The following DCLK1 variants were observed in gnomAD, a reference collection of about 807,000 sequenced individuals.
The protein encoded by DCLK1 is doublecortin like kinase 1, also known as serine/threonine-protein kinase DCLK1.
DCLK1 carries 16 observed loss-of-function variants against 86.2 expected under a neutral mutation model. The ratio of observed to expected loss-of-function variants is 0.19; its 90% CI spans 0.13 to 0.28. The LOEUF is 0.28. DCLK1 is among the 10% of genes least tolerant of loss of function. The pLI is 1.00. For missense variants in DCLK1, 590 were observed against 940.2 expected (o/e 0.63, Z 4.87); for synonymous variants, 369 against 370.5 (o/e 1.00, Z 0.05).
chr13:35,955,677 T>C (rs1156561269), intron 3 of DCLK1, among the ~76,000 whole-genome samples: 2 of 152,144 alleles, frequency 1.3e-5, no homozygotes, highest in African/African-American at 4.8e-5. Context: ...GACAACTATT[T>C]AACATCTTCA....
chr13:35,893,915 A>T (rs1374932116), intron 4 of DCLK1, among the ~76,000 whole-genome samples: 1 of 152,218 alleles, frequency 6.6e-6, no homozygotes, highest in Non-Finnish European at 1.5e-5. Flanking sequence ...ATCACCACAG[A>T]TCATCCACTG....
chr13:35,794,816 A>AT (rs1566535651), intron 15 of DCLK1, among the ~76,000 whole-genome samples: 1 of 152,148 alleles, frequency 6.6e-6, no homozygotes, highest in African/African-American at 2.4e-5. Flanking sequence ...CACTATTTCT[A>AT]TTTTTTTGGT....
intron 2 of DCLK1, 26 bp from the exon 3 acceptor site, chr13:36,112,241 A>C (rs575729070): frequency 6.8e-7 from 1 of 1,469,572 alleles, no homozygotes; most frequent in Admixed American, 2.2e-5. Flanking sequence ...ATATATTTAA[A>C]TTTATACTAA....
intron 3 of DCLK1, among the ~76,000 whole-genome samples, chr13:36,099,620 C>T (rs564189538): frequency 7.2e-5 from 11 of 152,266 alleles, no homozygotes; most frequent in East Asian, 1.9e-4. Context: ...TCGATGTTTC[C>T]GGATCTAACA....
At chr13:36,104,739 T>C (rs1885331950) in intron 3 of DCLK1, among the ~76,000 whole-genome samples, 1 of 152,118 alleles carries the variant, frequency 6.6e-6, no homozygotes, top group South Asian at 2.1e-4. Flanking sequence ...AGGAATGACC[T>C]GTACCATTGA....
intron 4 of DCLK1, among the ~76,000 whole-genome samples, chr13:35,887,943 C>T (rs925840082): frequency 3.9e-5 from 5 of 127,658 alleles, no homozygotes; most frequent in Non-Finnish European, 6.6e-5. Context: ...TTCACACATA[C>T]ATATGCAATG....
intron 3 of DCLK1, among the ~76,000 whole-genome samples, chr13:35,978,635 C>G (rs951460951): frequency 6.6e-6 from 1 of 152,096 alleles, no homozygotes; most frequent in Admixed American, 6.6e-5. Flanking sequence ...GAATAATTTG[C>G]TATTTTACCA....
intron 3 of DCLK1, among the ~76,000 whole-genome samples, chr13:36,045,374 A>ATATT (rs1555358867): frequency 4.8e-5 from 6 of 124,776 alleles, no homozygotes; most frequent in Admixed American, 8.2e-5. Flanking sequence ...ATATATATAT[A>ATATT]TATTTCAAGG....
At chr13:35,828,394 T>C (rs1317162086) in intron 8 of DCLK1, 87 bp from the exon 9 acceptor site, 13 of 1,031,004 alleles carry the variant, frequency 1.3e-5, no homozygotes, top group South Asian at 6.0e-5. Context: ...TCCTACCCCA[T>C]AGATCTTGCA....
chr13:35,886,777 T>C (rs1566586398), intron 4 of DCLK1, among the ~76,000 whole-genome samples: 1 of 152,216 alleles, frequency 6.6e-6, no homozygotes, highest in Non-Finnish European at 1.5e-5. Flanking sequence ...GTCGTTTTCC[T>C]GACATTTTCA....
chr13:35,947,580 C>T (rs1877455306), intron 3 of DCLK1, 123 bp from the exon 4 acceptor site: 1 of 630,310 alleles, frequency 1.6e-6, no homozygotes, highest in African/African-American at 1.8e-5. Context: ...GGGCAGCTTC[C>T]ACAGAGGAAT....
chr13:36,095,838 TTAAAGA>T (rs1884998398), intron 3 of DCLK1, among the ~76,000 whole-genome samples: 1 of 152,110 alleles, frequency 6.6e-6, no homozygotes, highest in Non-Finnish European at 1.5e-5. Context: ...AAAAACTAAA[TTAAAGA>T]TAGAGGATTT....
At chr13:36,089,539 T>G (rs1457064497) in intron 3 of DCLK1, among the ~76,000 whole-genome samples, 1 of 152,226 alleles carries the variant, frequency 6.6e-6, no homozygotes, top group East Asian at 1.9e-4. Context: ...GGTTGTCCAT[T>G]GCAAAGTGTT....
Position 35,798,312 on chromosome 13 carries a change from A to G in DCLK1, c.1945-4833T>C, listed in dbSNP as rs140994606. 4.5e-3 allele frequency among the ~76,000 whole-genome samples: 681 copies of G among 152,314 alleles called. 6 individuals are homozygous for G. The highest frequency in any genetic ancestry group is 0.016 in the African/African-American group (649 of 41,554). On this transcript the variant is annotated intron_variant, in intron 15 of 16. Coordinates refer to ENST00000360631, the MANE Select transcript of DCLK1 (RefSeq NM_001330071.2). ...AAACCATTTCAGGCGTCATGCTTTA[A>G]AAAATTCTCATCCCCTTGCGGATTT...
rs564713364 is a variant in DCLK1 at position 35,859,238 on chromosome 13, A to G, written c.941-4645T>C. On this transcript the variant is annotated intron_variant, in intron 5 of 16. Coordinates refer to ENST00000360631, the MANE Select transcript of DCLK1 (RefSeq NM_001330071.2). ...CAGGGCTGAACAATTAATTATTTCAATCTGAATCCACTAAACTCTGAATTA... is the reference window on the plus strand; with the variant it reads ...CAGGGCTGAACAATTAATTATTTCAGTCTGAATCCACTAAACTCTGAATTA... Among the ~76,000 whole-genome samples, 7 of 152,354 alleles carry G rather than the reference A, an allele frequency of 4.6e-5. No homozygotes were observed. In the East Asian group the frequency reaches 7.7e-4, roughly 17 times the overall value.
intron 11 of DCLK1, among the ~76,000 whole-genome samples, chr13:35,821,007 A>G (rs1593625886): frequency 1.3e-5 from 2 of 152,238 alleles, no homozygotes; most frequent in Admixed American, 1.3e-4. Context: ...CCTGACACAT[A>G]GCAAGTACTC....
chr13:35,959,970 G>C (rs900291057), intron 3 of DCLK1, among the ~76,000 whole-genome samples: 3 of 152,000 alleles, frequency 2.0e-5, no homozygotes, highest in Non-Finnish European at 4.4e-5. Context: ...CTGGGAAAGG[G>C]TTGTGTTAGT....
intron 4 of DCLK1, among the ~76,000 whole-genome samples, chr13:35,935,002 G>C (rs1876678212): frequency 6.6e-6 from 1 of 152,132 alleles, no homozygotes. Context: ...TTGAAACCAA[G>C]TAGATGGAGA....
At chr13:35,800,995 G>A (rs750011881) in intron 15 of DCLK1, among the ~76,000 whole-genome samples, 25 of 151,810 alleles carry the variant, frequency 1.6e-4, no homozygotes, top group East Asian at 1.9e-4. Context: ...GAGTGCTGGG[G>A]TTACAGGCAT....
Sources: allele counts gnomAD v4.1 joint callset (sites outside exome capture counted in the v4.1 genomes callset), GRCh38; gene constraint gnomAD v4.1.1; transcripts MANE v1.5; gene names NCBI Gene and HGNC (gene_info 2026-07-23, HGNC 2026-07-21).